MEI1: variants seen among roughly 807,000 people sequenced by gnomAD.
The protein encoded by MEI1 is meiotic double-stranded break formation protein 1.
A neutral mutation model predicts 146.2 loss-of-function variants in MEI1; 103 were observed. The ratio of observed to expected loss-of-function variants is 0.70; its 90% CI spans 0.60 to 0.83. MEI1 has a LOEUF of 0.83. Among genes scored for constraint, MEI1 ranks in the 40% least tolerant of loss-of-function variants. MEI1 has a pLI of 0.00. For synonymous variants in MEI1, 652 were observed against 628.2 expected, an observed-to-expected ratio of 1.04 and a Z score of -0.57; for missense variants, 1,529 against 1,533.0, an observed-to-expected ratio of 1.00 and a Z score of 0.04.
rs887518896 is a variant in MEI1 at position 41,737,299 on chromosome 22, C to T, written c.1331+4696C>T. Among the ~76,000 whole-genome samples the T allele has an allele frequency of 7.3e-5, 11 of 151,648 alleles. No individual in the cohort carries two copies. In the East Asian group the frequency reaches 1.4e-3, roughly 19 times the overall value. Reference sequence around the variant, plus strand: ...TCGCCCAGGCTGGAGTGCAGTGGCGCGATCTCGGCTCACTGCAAGCTCCGC... The same window carrying T: ...TCGCCCAGGCTGGAGTGCAGTGGCGTGATCTCGGCTCACTGCAAGCTCCGC... On this transcript the variant is annotated intron_variant, in intron 11 of 30. Transcript: ENST00000401548.
At chr22:41,722,008 C>G (rs1488239192) in intron 6 of MEI1, 1 of 147,564 alleles carries the variant, frequency 6.8e-6, no homozygotes, top group Non-Finnish European at 1.5e-5. Flanking sequence ...CGTGAGCCAC[C>G]GCGGCCAGCC....
chr22:41,792,493 A>G (rs185327663), intron 26 of MEI1, among the ~76,000 whole-genome samples: 1 of 152,322 alleles, frequency 6.6e-6, no homozygotes, highest in African/African-American at 2.4e-5. Flanking sequence ...TCCCCCAGGA[A>G]TGGAGCACGG....
At chr22:41,780,774 G>A (rs554949284) in intron 22 of MEI1, among the ~76,000 whole-genome samples, 3 of 151,966 alleles carry the variant, frequency 2.0e-5, no homozygotes, top group South Asian at 2.1e-4. Context: ...GTGGAGAGAC[G>A]GGGTCTCACC....
At chr22:41,749,482 CCAGGCTGGTCT>C (rs1337429702) in intron 15 of MEI1, among the ~76,000 whole-genome samples, 2 of 152,064 alleles carry the variant, frequency 1.3e-5, no homozygotes, top group African/African-American at 4.8e-5. Flanking sequence ...TCCATGTTGG[CCAGGCTGGTCT>C]CAAACTCCCC....
At chr22:41,709,678 G>A (rs1488763782) in intron 3 of MEI1, among the ~76,000 whole-genome samples, 1 of 151,952 alleles carries the variant, frequency 6.6e-6, no homozygotes, top group Non-Finnish European at 1.5e-5. Flanking sequence ...CTAGTAAGAA[G>A]AGCCCCAGAG....
intron 26 of MEI1, among the ~76,000 whole-genome samples, chr22:41,786,903 T>C (rs2076008077): frequency 6.6e-6 from 1 of 152,230 alleles, no homozygotes; most frequent in South Asian, 2.1e-4. Flanking sequence ...TCCCGAGCCC[T>C]GACCCAATGT....
At chr22:41,783,527 G>A (rs747565744) in intron 24 of MEI1, among the ~76,000 whole-genome samples, 48 of 152,130 alleles carry the variant, frequency 3.2e-4, no homozygotes, top group Non-Finnish European at 4.4e-4. Context: ...CCTCACCTCA[G>A]GTGATCCACC....
chr22:41,742,974 C>G (rs1372826190), intron 11 of MEI1, 106 bp from the exon 12 acceptor site: 2 of 740,822 alleles, frequency 2.7e-6, no homozygotes, highest in East Asian at 2.8e-5. Context: ...AGATTAGATT[C>G]CATGTTCTGA....
chr22:41,703,850 G>A (rs2068888276), intron 2 of MEI1, among the ~76,000 whole-genome samples: 1 of 152,146 alleles, frequency 6.6e-6, no homozygotes, highest in Admixed American at 6.6e-5. Flanking sequence ...GCTCAGTGTG[G>A]TGGCGCGTGC....
chr22:41,781,741 G>A lies in MEI1; in HGVS notation c.2983G>A (p.Ala995Thr), dbSNP rs1459695881. The A allele has an allele frequency of 1.2e-6, 2 of 1,613,914 alleles. No individual in the cohort carries two copies. The highest frequency in any genetic ancestry group is 1.7e-6 in the Non-Finnish European group (2 of 1,179,900). The change falls in exon 24 of 31, where the codon GCC (alanine) becomes ACC (threonine). Residue 995 changes from alanine to threonine, a missense_variant. By Grantham distance (58) the Ala-to-Thr change is moderately conservative. This residue lies in a region of MEI1 where 313 missense variants were observed against 337.3 expected (regional missense o/e 0.93). Transcript: ENST00000401548. ...GATGGAGCTTCTGGAGAAGATGCTG[G>A]CCCTCACCTTGGCAAAGGCAGATTC... ...GLMELLEKML[A>T]LTLAKADSPR...
At chr22:41,776,329 T>C (rs2075435712) in intron 21 of MEI1, 62 bp downstream of exon 21, 2 of 1,403,552 alleles carry the variant, frequency 1.4e-6, no homozygotes. Flanking sequence ...TGGGCATCTC[T>C]ACCCTTGTTA....
chr22:41,718,859 C>T (rs1010139704), intron 6 of MEI1, among the ~76,000 whole-genome samples: 8 of 151,920 alleles, frequency 5.3e-5, no homozygotes, highest in African/African-American at 1.9e-4. Flanking sequence ...GGGGACTGAA[C>T]TTGTCCTTTT....
At chr22:41,724,094 G>C in intron 7 of MEI1, 21 bp downstream of exon 7, 11 of 1,613,158 alleles carry the variant, frequency 6.8e-6, no homozygotes, top group Non-Finnish European at 9.3e-6. Context: ...TGTGATTCCT[G>C]GTCTCTAGGT....
rs2071689336 is a variant in MEI1 at position 41,729,757 on chromosome 22, C to T, written c.957C>T (p.Ala319=). Residue 319 remains alanine, a synonymous_variant, in exon 8 of 31, where the codon GCC becomes GCT. Transcript: ENST00000401548. The stretch of plus-strand genomic sequence containing the variant: ...ACTCCCCAGCAAAGCATGCGTCAGC[C>T]TTCATCCACGCTGACATCCCAGGTA... The part of the protein sequence containing the change: ...LVHSPAKHAS[A]FIHADIPEFL... 3 of 1,608,748 alleles carry T rather than the reference C, an allele frequency of 1.9e-6. No individual in the cohort carries two copies. Among genetic ancestry groups the T allele is most frequent in the Non-Finnish European group, 1.7e-6 (2 of 1,177,872 alleles).
intron 2 of MEI1, among the ~76,000 whole-genome samples, chr22:41,704,802 C>T (rs1432318800): frequency 6.6e-6 from 1 of 152,122 alleles, no homozygotes; most frequent in East Asian, 1.9e-4. Context: ...TCAAGCTCCG[C>T]CTCCCAGGTT....
chr22:41,741,714 G>A (rs953801818), intron 11 of MEI1, among the ~76,000 whole-genome samples: 1 of 152,178 alleles, frequency 6.6e-6, no homozygotes, highest in African/African-American at 2.4e-5. Context: ...GGTGGCTCAC[G>A]CTTGTAATTC....
intron 23 of MEI1, 71 bp downstream of exon 23, chr22:41,781,465 A>G: frequency 7.4e-7 from 1 of 1,345,604 alleles, no homozygotes; most frequent in South Asian, 1.3e-5. Context: ...CAACTTTTTC[A>G]TCTTAAAAAA....
intron 3 of MEI1, chr22:41,709,170 C>A: frequency 1.3e-6 from 1 of 750,312 alleles, no homozygotes; most frequent in Non-Finnish European, 2.4e-6. Flanking sequence ...AATAGTATTT[C>A]AAACTGTACA....
intron 19 of MEI1, among the ~76,000 whole-genome samples, chr22:41,768,585 A>G (rs1324245569): frequency 6.6e-6 from 1 of 152,222 alleles, no homozygotes; most frequent in Non-Finnish European, 1.5e-5. Flanking sequence ...TTCACAGGCT[A>G]TACAGGAAGC....
Sources: gnomAD v4.1 joint callset for allele counts (sites outside exome capture counted in the v4.1 genomes callset) on GRCh38, gnomAD v4.1.1 for gene constraint, gnomAD v4.1.1 regional missense constraint, MANE v1.5 for transcripts, NCBI Gene and HGNC (gene_info 2026-07-23, HGNC 2026-07-21) for gene names.